Variants in SYCP2 observed in about 807,000 individuals in gnomAD.
SYCP2 encodes the protein synaptonemal complex lateral element protein.
Under a neutral mutation model 211.3 loss-of-function variants are expected in SYCP2, and 55 were observed. The ratio of observed to expected loss-of-function variants is 0.26; its 90% CI spans 0.21 to 0.33. The LOEUF is 0.33. SYCP2 is among the 10% of genes least tolerant of loss of function. The probability of loss-of-function intolerance (pLI) is 1.00; values close to 1 mark genes in which losing one functional copy is unlikely to be tolerated. For missense variants in SYCP2, 1,731 were observed against 1,752.0 expected (o/e 0.99, Z 0.21); for synonymous variants, 570 against 555.2 (o/e 1.03, Z -0.37).
At chr20:59,906,162 A>G (rs1188296388) in intron 15 of SYCP2, among the ~76,000 whole-genome samples, 1 of 152,120 alleles carries the variant, frequency 6.6e-6, no homozygotes, top group Non-Finnish European at 1.5e-5. Flanking sequence ...TTGATCTAAA[A>G]CCTGAGTCAT....
intron 18 of SYCP2, among the ~76,000 whole-genome samples, chr20:59,899,079 A>C (rs1434396175): frequency 6.6e-6 from 1 of 152,158 alleles, no homozygotes; most frequent in African/African-American, 2.4e-5. Flanking sequence ...CTGATTTTTC[A>C]GGTATCTCAT....
Position 59,877,511 on chromosome 20 carries a change from C to A in SYCP2, c.3024G>T (p.Pro1008=), listed in dbSNP as rs61730343. ...NITKKMDKTI[P]EGRIRLPRKA... is the part of the protein sequence containing the mutation. ...TTCGTGGAAGTCTGATTCTTCCTTC[C>A]GGAATTGTCTTGTCCATCTTTTTTG... The change falls in exon 33 of 45, where the codon CCG becomes CCT. Residue 1008 remains proline, a synonymous_variant. Transcript: ENST00000357552. 5 of 1,602,094 alleles carry A rather than the reference C, an allele frequency of 3.1e-6. No homozygotes were observed. The highest frequency in any genetic ancestry group is 3.4e-6 in the Non-Finnish European group (4 of 1,177,014).
Position 59,877,572 on chromosome 20 carries a change from C to G in SYCP2, c.2980-17G>C. On this transcript the variant is annotated splice_polypyrimidine_tract_variant and intron_variant, in intron 32 of 44. Transcript: ENST00000357552. ...ACTGGGTGTCTTTAGGAGAAAAATT[C>G]CTGAATATTAGATCAATATTTGAGG... 1 of 1,569,786 alleles carries G rather than the reference C, an allele frequency of 6.4e-7. No homozygotes were observed. Among genetic ancestry groups the G allele is most frequent in the South Asian group, 1.2e-5 (1 of 82,518 alleles).
chr20:59,919,991 T>TAC (rs1231448943), intron 5 of SYCP2, among the ~76,000 whole-genome samples: 5 of 151,842 alleles, frequency 3.3e-5, no homozygotes, highest in African/African-American at 1.2e-4. Flanking sequence ...TCTCAGATAC[T>TAC]ATTCTAGGTG....
chr20:59,914,362 T>C (rs2060391052), intron 10 of SYCP2, 111 bp from the exon 11 acceptor site: 1 of 524,168 alleles, frequency 1.9e-6, no homozygotes, highest in African/African-American at 1.9e-5. Flanking sequence ...AATATATTAA[T>C]GTAATTGATT....
chr20:59,932,984 A>G (rs1487249435), intron 1 of SYCP2, among the ~76,000 whole-genome samples: 1 of 151,618 alleles, frequency 6.6e-6, no homozygotes, highest in Non-Finnish European at 1.5e-5. Flanking sequence ...CCCTGCTCCC[A>G]CCGCCGGCAC....
intron 3 of SYCP2, 95 bp downstream of exon 3, chr20:59,922,295 T>C: frequency 8.9e-7 from 1 of 1,123,000 alleles, no homozygotes; most frequent in South Asian, 1.6e-5. Flanking sequence ...CATGTAAGCT[T>C]TATCATTGCT....
chr20:59,891,098 T>C (rs180747866), intron 24 of SYCP2, among the ~76,000 whole-genome samples: 3 of 152,120 alleles, frequency 2.0e-5, no homozygotes, highest in African/African-American at 7.2e-5. Context: ...ATCTTTTAAA[T>C]ATAATTTGCA....
chr20:59,904,275 T>C (rs1329138244), intron 15 of SYCP2, among the ~76,000 whole-genome samples: 2 of 152,132 alleles, frequency 1.3e-5, no homozygotes, highest in Non-Finnish European at 2.9e-5. Context: ...CAGTGTTCCG[T>C]TCAAAATATC....
intron 7 of SYCP2, 88 bp from the exon 8 acceptor site, chr20:59,916,659 G>T: frequency 1.2e-6 from 1 of 866,550 alleles, no homozygotes; most frequent in East Asian, 2.6e-5. Flanking sequence ...GTGGAAAGGG[G>T]CCAGGCATGG....
Position 59,915,097 on chromosome 20 carries a change from A to C in SYCP2, c.634+68T>G, listed in dbSNP as rs917022271. 7.8e-6 allele frequency: 8 copies of C among 1,019,740 alleles called. No homozygotes were observed. The East Asian group carries it at 1.4e-4, about 18-fold the overall frequency. The allele number at this position is 1,019,740 out of a possible 1,614,324, so 63.2% of individuals were successfully genotyped here. A position where few individuals can be genotyped will look rare whatever the true frequency, so the allele number is the denominator to read the frequency against. On this transcript the variant is annotated intron_variant, in intron 10 of 44. Coordinates refer to ENST00000357552, the MANE Select transcript of SYCP2 (RefSeq NM_014258.4). ...TCTCACATTGCTATGCTAATATTTA[A>C]ATTAAAAAGATACTATCTGCTATTC... is the stretch of plus-strand genomic sequence containing the variant.
In SYCP2 at chr20:59,907,348, AAAAC is replaced by A. The variant is rs530769269; in HGVS notation, c.1033+12_1033+15del. 2.3e-5 allele frequency: 36 copies of A among 1,557,170 alleles called. No individual in the cohort carries two copies. The South Asian group carries it at 3.5e-4, about 15-fold the overall frequency. On this transcript the variant is annotated intron_variant, in intron 15 of 44. Transcript: ENST00000357552. ...TAAGAATTAAGAAAATTATTAGAAAAAAACAAGTTTAATACCTTCAATGCTGTAT... is the reference window on the plus strand; with the variant it reads ...TAAGAATTAAGAAAATTATTAGAAAAAAGTTTAATACCTTCAATGCTGTAT...
intron 24 of SYCP2, among the ~76,000 whole-genome samples, chr20:59,889,159 G>A (rs983238502): frequency 2.0e-5 from 3 of 151,968 alleles, no homozygotes; most frequent in African/African-American, 7.2e-5. Flanking sequence ...TGGTAGATAT[G>A]TCACTTCACT....
chr20:59,871,838 A>G (rs551510906), intron 35 of SYCP2, among the ~76,000 whole-genome samples: 2 of 152,144 alleles, frequency 1.3e-5, no homozygotes, highest in East Asian at 1.9e-4. Flanking sequence ...AAAAGTCTGT[A>G]CATGTTCAAT....
chr20:59,865,932 C>T, intron 41 of SYCP2, 67 bp from the exon 42 acceptor site: 1 of 672,914 alleles, frequency 1.5e-6, no homozygotes, highest in East Asian at 3.2e-5. Flanking sequence ...TCCAGTTAAA[C>T]TTTAATATGA....
chr20:59,871,109 C>T (rs754572541), intron 35 of SYCP2, among the ~76,000 whole-genome samples: 9 of 151,606 alleles, frequency 5.9e-5, no homozygotes, highest in Non-Finnish European at 1.0e-4. Context: ...TTATATACAA[C>T]GAATAAAGAA....
intron 39 of SYCP2, 67 bp downstream of exon 39, chr20:59,867,644 G>A (rs2059377198): frequency 2.9e-6 from 4 of 1,389,804 alleles, no homozygotes; most frequent in South Asian, 2.5e-5. Context: ...CAAGCCAATG[G>A]TCTAGTAGAA....
intron 14 of SYCP2, among the ~76,000 whole-genome samples, chr20:59,910,890 C>T (rs1039347608): frequency 6.6e-6 from 1 of 151,884 alleles, no homozygotes; most frequent in Non-Finnish European, 1.5e-5. Flanking sequence ...CCCTGAGAAG[C>T]AGTGCTAGTC....
chr20:59,919,358 A>G, intron 6 of SYCP2, 135 bp downstream of exon 6: 1 of 730,242 alleles, frequency 1.4e-6, no homozygotes, highest in Non-Finnish European at 2.3e-6. Context: ...GCTTTATACA[A>G]TCTGAACAGA....
Sources: gnomAD v4.1 joint callset for allele counts (sites outside exome capture counted in the v4.1 genomes callset) on GRCh38, gnomAD v4.1.1 for gene constraint, MANE v1.5 for transcripts, NCBI Gene and HGNC (gene_info 2026-07-23, HGNC 2026-07-21) for gene names.